Variants in SULT4A1 observed in about 807,000 individuals in gnomAD.
SULT4A1 encodes the protein sulfotransferase family 4A member 1.
Under a neutral mutation model 35.2 loss-of-function variants are expected in SULT4A1, and 11 were observed. The observed-to-expected ratio is 0.31, with a 90% CI of 0.20 to 0.52. The LOEUF (loss-of-function observed/expected upper bound fraction) is 0.52. Ranked by LOEUF, SULT4A1 falls within the 20% of genes least tolerant of loss-of-function variation. The pLI is 0.97. For synonymous variants in SULT4A1, 152 were observed against 151.8 expected (o/e 1.00, Z -0.01); for missense variants, 271 against 383.7 (o/e 0.71, Z 2.45).
chr22:43,832,684 G>A (rs146636299), intron 5 of SULT4A1, among the ~76,000 whole-genome samples: 32 of 151,946 alleles, frequency 2.1e-4, no homozygotes, highest in Non-Finnish European at 3.4e-4. Flanking sequence ...ACCACCCCAG[G>A]GCCACAAGGC....
At chr22:43,836,349 A>C (rs528977758) in intron 4 of SULT4A1, among the ~76,000 whole-genome samples, 1 of 140,218 alleles carries the variant, frequency 7.1e-6, no homozygotes, top group Admixed American at 6.9e-5. Context: ...GACCCTGTCT[A>C]CACAGCGTCC....
intron 1 of SULT4A1, among the ~76,000 whole-genome samples, chr22:43,859,115 C>T (rs2148310984): frequency 6.6e-6 from 1 of 152,310 alleles, no homozygotes; most frequent in African/African-American, 2.4e-5. Context: ...ACCTGTCTCT[C>T]CCAGGCACAG....
chr22:43,846,945 C>A (rs938745160), intron 1 of SULT4A1, among the ~76,000 whole-genome samples: 1 of 152,192 alleles, frequency 6.6e-6, no homozygotes, highest in Non-Finnish European at 1.5e-5. Context: ...CTTCTCTGCA[C>A]GTTAAAGTCT....
At chr22:43,835,557 A>C (rs2063364132) in intron 4 of SULT4A1, among the ~76,000 whole-genome samples, 1 of 152,200 alleles carries the variant, frequency 6.6e-6, no homozygotes, top group South Asian at 2.1e-4. Context: ...AGAGAAGGGA[A>C]GAGACTTGCC....
rs1054598882 is a variant in SULT4A1, at chr22:43,837,089, G to A, written c.508+1778C>T. On this transcript the variant is annotated intron_variant, in intron 4 of 6. Coordinates refer to ENST00000330884, the MANE Select transcript of SULT4A1 (RefSeq NM_014351.4). ...TGATCCTGGCCTGTCTGGACATGGT[G>A]TGCTTTCAGGGTTCCCGTGCATATT... is the stretch of plus-strand genomic sequence containing the variant. Among the ~76,000 whole-genome samples, 8 of 152,270 alleles carry A rather than the reference G, an allele frequency of 5.3e-5. No homozygotes were observed. In the East Asian group the frequency reaches 1.5e-3, roughly 29 times the overall value.
intron 2 of SULT4A1, 44 bp downstream of exon 2, chr22:43,841,758 T>C: frequency 6.3e-7 from 1 of 1,593,438 alleles, no homozygotes; most frequent in Non-Finnish European, 8.6e-7. Flanking sequence ...ACGGTAGAAA[T>C]ACCCTAAAGA....
At chr22:43,832,130 C>T (rs2063329778) in intron 5 of SULT4A1, among the ~76,000 whole-genome samples, 2 of 152,182 alleles carry the variant, frequency 1.3e-5, no homozygotes, top group African/African-American at 4.8e-5. Context: ...CAGAGGTCAG[C>T]GGCAGGACCA....
intron 3 of SULT4A1, 145 bp from the exon 4 acceptor site, chr22:43,839,138 G>T: frequency 9.2e-7 from 1 of 1,089,332 alleles, no homozygotes; most frequent in Non-Finnish European, 1.3e-6. Context: ...CCATGTGCAC[G>T]GCTGCTGGGT....
chr22:43,826,493 G>C, intron 6 of SULT4A1: 4 of 985,326 alleles, frequency 4.1e-6, no homozygotes, highest in Non-Finnish European at 4.8e-6. Flanking sequence ...AACATCCCAG[G>C]AGCGAGTATG....
chr22:43,852,330 G>A lies in SULT4A1; in HGVS notation c.169+9884C>T, dbSNP rs6006560. Among the ~76,000 whole-genome samples the A allele has an allele frequency of 4.2e-3, 616 of 146,628 alleles. 8 individuals are homozygous for A. Among genetic ancestry groups the A allele is most frequent in the African/African-American group, 0.014 (592 of 41,042 alleles). On this transcript the variant is annotated intron_variant, in intron 1 of 6. Transcript: ENST00000330884. Reference sequence around the variant, plus strand: ...CCACAGGCACACACCACCACACCTGGCTAGGTTTTTTTTTGTTGTTTTTTT... The same window carrying A: ...CCACAGGCACACACCACCACACCTGACTAGGTTTTTTTTTGTTGTTTTTTT...
intron 1 of SULT4A1, among the ~76,000 whole-genome samples, chr22:43,854,815 C>A (rs1417915357): frequency 6.6e-6 from 1 of 152,232 alleles, no homozygotes; most frequent in East Asian, 1.9e-4. Flanking sequence ...TTCCTGGCTT[C>A]TTCCCCCCTT....
chr22:43,856,942 G>A (rs532387182), intron 1 of SULT4A1, among the ~76,000 whole-genome samples: 11 of 152,138 alleles, frequency 7.2e-5, no homozygotes, highest in South Asian at 6.2e-4. Context: ...AAAGGCACAC[G>A]CGCACACACA....
intron 1 of SULT4A1, among the ~76,000 whole-genome samples, chr22:43,854,794 G>C (rs2049384199): frequency 6.6e-6 from 1 of 152,218 alleles, no homozygotes; most frequent in Non-Finnish European, 1.5e-5. Context: ...GGGTTCCACA[G>C]AGGAACCCCT....
At chr22:43,855,309 G>A (rs2285167) in intron 1 of SULT4A1, among the ~76,000 whole-genome samples, 20,200 of 152,236 alleles carry the variant, frequency 0.13, 1,536 homozygotes, top group South Asian at 0.21. Context: ...TGTGAGGATG[G>A]GGAGGATAAA....
At chr22:43,833,952 G>A (rs1323650228) in intron 4 of SULT4A1, among the ~76,000 whole-genome samples, 1 of 152,220 alleles carries the variant, frequency 6.6e-6, no homozygotes, top group Admixed American at 6.5e-5. Context: ...CCTGACCATG[G>A]GGGTGACAGC....
chr22:43,854,952 C>T (rs1324038104), intron 1 of SULT4A1, among the ~76,000 whole-genome samples: 1 of 152,238 alleles, frequency 6.6e-6, no homozygotes, highest in Non-Finnish European at 1.5e-5. Flanking sequence ...TCTGAGAGGC[C>T]TGATTTGGAA....
intron 1 of SULT4A1, among the ~76,000 whole-genome samples, chr22:43,849,812 G>A (rs1391900930): frequency 6.6e-6 from 1 of 152,304 alleles, no homozygotes; most frequent in Non-Finnish European, 1.5e-5. Context: ...GAAGGCAGCC[G>A]CCTCACATGA....
At chr22:43,837,371 C>T (rs1319489564) in intron 4 of SULT4A1, among the ~76,000 whole-genome samples, 5 of 152,330 alleles carry the variant, frequency 3.3e-5, no homozygotes, top group South Asian at 4.1e-4. Context: ...GCCTCTTCCA[C>T]GTGCTGGTCT....
rs764075521 is a variant in SULT4A1, at chr22:43,838,931, A to T, written c.444T>A (p.Ser148=). Residue 148 remains serine, a synonymous_variant, in exon 4 of 7, where the codon TCT becomes TCA. Coordinates refer to ENST00000330884, the MANE Select transcript of SULT4A1 (RefSeq NM_014351.4). ...TGCCTCGGTAGCTCATGGTCCGCAGAGAGCGGTGGAACTGATAATAAGACA... is the reference window on the plus strand; with the variant it reads ...TGCCTCGGTAGCTCATGGTCCGCAGTGAGCGGTGGAACTGATAATAAGACA... ...LVVSYYQFHR[S]LRTMSYRGTF... is the part of the protein sequence containing the mutation. The T allele has an allele frequency of 1.9e-6, 3 of 1,614,210 alleles. No individual in the cohort carries two copies. The South Asian group carries it at 3.3e-5, about 18-fold the overall frequency.
Sources: gnomAD v4.1 joint callset for allele counts (sites outside exome capture counted in the v4.1 genomes callset) on GRCh38, gnomAD v4.1.1 for gene constraint, MANE v1.5 for transcripts, NCBI Gene and HGNC (gene_info 2026-07-23, HGNC 2026-07-21) for gene names.